CHI3L2: variants seen among roughly 807,000 people sequenced by gnomAD.
CHI3L2 encodes chitinase 3 like 2.
CHI3L2 carries 47 observed loss-of-function variants against 47.3 expected under a neutral mutation model. The observed-to-expected ratio is 0.99, with a 90% CI of 0.79 to 1.27. The LOEUF (loss-of-function observed/expected upper bound fraction) is 1.27, where lower values mean the gene tolerates loss of function less well. Ranked by LOEUF, CHI3L2 falls within the 50% of genes most tolerant of loss-of-function variation. The pLI, the probability that CHI3L2 is intolerant of heterozygous loss-of-function variation, is 0.00. For missense variants in CHI3L2, 497 were observed against 462.1 expected, an observed-to-expected ratio of 1.08 and a Z score of -0.69; for synonymous variants, 198 against 169.9, an observed-to-expected ratio of 1.17 and a Z score of -1.28.
intron 7 of CHI3L2, among the ~76,000 whole-genome samples, chr1:111,237,031 A>C (rs1470041215): frequency 6.6e-6 from 1 of 152,234 alleles, no homozygotes; most frequent in African/African-American, 2.4e-5. Flanking sequence ...GGTGCATCAG[A>C]ATGCAAGATC....
At chr1:111,234,472 A>C (rs1458481695) in intron 4 of CHI3L2, among the ~76,000 whole-genome samples, 1 of 152,152 alleles carries the variant, frequency 6.6e-6, no homozygotes. Flanking sequence ...ATGAGATACC[A>C]CCTGGGGGAT....
Position 111,231,223 on chromosome 1 carries a change from A to T in CHI3L2, c.273-15A>T, listed in dbSNP as rs751299955. On this transcript the variant is annotated splice_polypyrimidine_tract_variant and intron_variant, in intron 3 of 10. Coordinates refer to ENST00000369748, the MANE Select transcript of CHI3L2 (RefSeq NM_004000.3). ...CAGCCAGAAAATAAATAATCATCTT[A>T]TTCTTCTACTTCAGGAATCCCAAAC... is the stretch of plus-strand genomic sequence containing the variant. 6.3e-7 allele frequency: 1 copy of T among 1,597,334 alleles called. No homozygotes were observed. Among genetic ancestry groups the T allele is most frequent in the Admixed American group, 1.7e-5 (1 of 59,754 alleles).
Sources: allele counts gnomAD v4.1 joint callset (sites outside exome capture counted in the v4.1 genomes callset), GRCh38; gene constraint gnomAD v4.1.1; transcripts MANE v1.5; gene names NCBI Gene and HGNC (gene_info 2026-07-23, HGNC 2026-07-21).